Variants in PDE1C observed in about 807,000 individuals in gnomAD.
The protein encoded by PDE1C is phosphodiesterase 1C, also known as dual specificity calcium/calmodulin-dependent 3',5'-cyclic nucleotide phosphodiesterase 1C.
Under a neutral mutation model 93.1 loss-of-function variants are expected in PDE1C, and 62 were observed. That is an observed-to-expected ratio of 0.67 (90% CI 0.54 to 0.82). The LOEUF is 0.82. Among genes scored for constraint, PDE1C ranks in the 40% least tolerant of loss-of-function variants. The probability of loss-of-function intolerance (pLI) is 0.00; values close to 1 mark genes in which losing one functional copy is unlikely to be tolerated. For synonymous variants in PDE1C, 325 were observed against 310.1 expected (o/e 1.05, Z -0.50); for missense variants, 742 against 884.6 (o/e 0.84, Z 2.04).
At chr7:32,215,334 C>A (rs934276892) in intron 1 of PDE1C, among the ~76,000 whole-genome samples, 1 of 152,148 alleles carries the variant, frequency 6.6e-6, no homozygotes, top group Non-Finnish European at 1.5e-5. Flanking sequence ...CCCCCAACAC[C>A]CGTTTTGTAG....
chr7:32,161,267 C>A (rs1801901613), intron 3 of PDE1C, among the ~76,000 whole-genome samples: 1 of 152,106 alleles, frequency 6.6e-6, no homozygotes, highest in Non-Finnish European at 1.5e-5. Flanking sequence ...GTGGTAGTGT[C>A]CAGACAGCAC....
At position 31,850,681 on chromosome 7, in the gene PDE1C, C is replaced by T. The variant is rs199785741; in HGVS notation, c.811G>A (p.Glu271Lys). The stretch of plus-strand genomic sequence containing the variant: ...AAATTGTTGGTGGTTCCGGTATGCT[C>T]GTAGTCATGGATGGCAGCTGAGAAG... ...IIFSAAIHDY[E>K]HTGTTNNFHI... is the part of the protein sequence containing the mutation. Residue 271 changes from glutamate to lysine, a missense_variant, in exon 8 of 18, where the codon GAG (glutamate) becomes AAG (lysine). Transcript: ENST00000396191. The T allele has an allele frequency of 2.5e-6, 4 of 1,613,514 alleles. No homozygotes were observed. Among genetic ancestry groups the T allele is most frequent in the East Asian group, 2.2e-5 (1 of 44,830 alleles).
intron 2 of PDE1C, among the ~76,000 whole-genome samples, chr7:31,903,126 A>C (rs1325805788): frequency 6.6e-6 from 1 of 151,942 alleles, no homozygotes; most frequent in East Asian, 1.9e-4. Context: ...AAGGCATTAA[A>C]TAATGAATAG....
chr7:32,385,339 T>A (rs1038697360), intron 1 of PDE1C, among the ~76,000 whole-genome samples: 1 of 152,224 alleles, frequency 6.6e-6, no homozygotes, highest in African/African-American at 2.4e-5. Context: ...CAGGAAGGTT[T>A]TTCATTTTTC....
At chr7:31,879,325 T>C (rs191551616) in intron 3 of PDE1C, 147 bp from the exon 4 acceptor site, 2 of 716,716 alleles carry the variant, frequency 2.8e-6, no homozygotes, top group East Asian at 5.4e-5. Flanking sequence ...AGTGCCTTTT[T>C]GGTAAGGCTT....
chr7:31,991,583 G>T (rs1784145347), intron 2 of PDE1C, among the ~76,000 whole-genome samples: 2 of 152,318 alleles, frequency 1.3e-5, no homozygotes, highest in South Asian at 4.1e-4. Context: ...CCTCCGTAAA[G>T]CCTGGGACCG....
intron 1 of PDE1C, among the ~76,000 whole-genome samples, chr7:32,248,821 A>C (rs1394195420): frequency 1.3e-5 from 2 of 152,220 alleles, no homozygotes; most frequent in African/African-American, 2.4e-5. Flanking sequence ...CTGGAGAGAA[A>C]AGACTTTGTG....
intron 14 of PDE1C, among the ~76,000 whole-genome samples, chr7:31,816,994 A>G (rs1465085474): frequency 6.6e-6 from 1 of 152,216 alleles, no homozygotes; most frequent in Non-Finnish European, 1.5e-5. Flanking sequence ...CATCCAACTC[A>G]TATTTATTGA....
intron 6 of PDE1C, among the ~76,000 whole-genome samples, chr7:31,871,214 A>G (rs1178386505): frequency 6.6e-6 from 1 of 152,034 alleles, no homozygotes; most frequent in African/African-American, 2.4e-5. Flanking sequence ...CTCATCATAT[A>G]CAAAAATCAA....
intron 2 of PDE1C, among the ~76,000 whole-genome samples, chr7:31,896,363 A>G (rs929476950): frequency 1.3e-5 from 2 of 152,204 alleles, no homozygotes; most frequent in Non-Finnish European, 2.9e-5. Flanking sequence ...ACGTGAATTT[A>G]TTACCAGAAA....
chr7:32,402,328 G>A (rs546504385), intron 1 of PDE1C, among the ~76,000 whole-genome samples: 2 of 152,188 alleles, frequency 1.3e-5, no homozygotes, highest in East Asian at 1.9e-4. Context: ...TCTGCAAACT[G>A]GAGGCCCAAG....
chr7:32,424,951 T>G (rs1333660327), intron 1 of PDE1C, among the ~76,000 whole-genome samples: 1 of 152,154 alleles, frequency 6.6e-6, no homozygotes, highest in Non-Finnish European at 1.5e-5. Context: ...AGACAACCTG[T>G]GTTTAAAGTA....
chr7:32,070,738 C>G (rs1795956417), upstream of PDE1C: 1 of 1,108,614 alleles, frequency 9.0e-7, no homozygotes, highest in Non-Finnish European at 1.1e-6. Context: ...CCCCCTACCC[C>G]CAAACAAAGC....
chr7:31,879,768 A>G (rs2128877241), intron 3 of PDE1C, among the ~76,000 whole-genome samples: 1 of 152,340 alleles, frequency 6.6e-6, no homozygotes, highest in East Asian at 1.9e-4. Context: ...CTGATTTTTC[A>G]AACTTGTTCA....
At chr7:31,709,199 G>A in the PDE1C span, among the ~76,000 whole-genome samples, 4 of 152,114 alleles carry the variant, frequency 2.6e-5, no homozygotes, top group African/African-American at 7.2e-5. Context: ...AACCTTCATC[G>A]TTACTGACTT....
At chr7:31,660,383 C>G in the PDE1C span, among the ~76,000 whole-genome samples, 1 of 152,126 alleles carries the variant, frequency 6.6e-6, no homozygotes, top group East Asian at 1.9e-4. Context: ...AAGCTATGGT[C>G]TACTATATCA....
At chr7:32,095,841 C>A (rs907543443) in intron 3 of PDE1C, among the ~76,000 whole-genome samples, 1 of 152,138 alleles carries the variant, frequency 6.6e-6, no homozygotes, top group Non-Finnish European at 1.5e-5. Context: ...ACACTGCCTG[C>A]AGAATAGGCA....
At chr7:31,992,187 G>A (rs1359421759) in intron 2 of PDE1C, among the ~76,000 whole-genome samples, 2 of 152,212 alleles carry the variant, frequency 1.3e-5, no homozygotes, top group African/African-American at 4.8e-5. Context: ...AGGATATCCT[G>A]GGTATGAGCA....
intron 1 of PDE1C, among the ~76,000 whole-genome samples, chr7:32,218,415 G>A (rs771755935): frequency 3.3e-5 from 5 of 152,226 alleles, no homozygotes; most frequent in Non-Finnish European, 7.3e-5. Context: ...CTCTCCTAGA[G>A]TAATGGGCAA....
Sources: gnomAD v4.1 joint callset for allele counts (sites outside exome capture counted in the v4.1 genomes callset) on GRCh38, gnomAD v4.1.1 for gene constraint, MANE v1.5 for transcripts, NCBI Gene and HGNC (gene_info 2026-07-23, HGNC 2026-07-21) for gene names.